The following RIIAD1 variants were observed in gnomAD, a reference collection of about 807,000 sequenced individuals.
RIIAD1 encodes RIIa domain-containing protein 1.
A neutral mutation model predicts 13.3 loss-of-function variants in RIIAD1; 15 were observed. The ratio of observed to expected loss-of-function variants is 1.13; its 90% CI spans 0.76 to 1.74. The LOEUF is 1.74. RIIAD1 is among the 40% of genes most tolerant of loss of function. The probability of loss-of-function intolerance (pLI) is 0.00; values close to 1 mark genes in which losing one functional copy is unlikely to be tolerated. For missense variants in RIIAD1, 121 were observed against 112.2 expected, an observed-to-expected ratio of 1.08 and a Z score of -0.35; for synonymous variants, 50 against 43.3, an observed-to-expected ratio of 1.16 and a Z score of -0.61.
chr1:151,719,197 A>G (rs1282624524), upstream of RIIAD1, among the ~76,000 whole-genome samples: 1 of 152,148 alleles, frequency 6.6e-6, no homozygotes, highest in Non-Finnish European at 1.5e-5. Flanking sequence ...TGTACCACTC[A>G]TCAGACTCTC....
chr1:151,716,917 G>T, upstream of RIIAD1: 1 of 384,102 alleles, frequency 2.6e-6, no homozygotes, highest in Admixed American at 2.9e-5. Flanking sequence ...CACAATCCAG[G>T]CACGAGCCAC....
chr1:151,724,764 C>T (rs891367415), intron 2 of RIIAD1, among the ~76,000 whole-genome samples: 1 of 151,932 alleles, frequency 6.6e-6, no homozygotes. Context: ...TTTTGTGCTG[C>T]AGATATGATA....
rs923712873 is a variant in RIIAD1, at chr1:151,727,585, T to C, written c.172T>C (p.Leu58=). The change falls in exon 3 of 5, where the codon TTG becomes CTG. Residue 58 remains leucine, a synonymous_variant. Coordinates refer to ENST00000479191, the MANE Select transcript of RIIAD1 (RefSeq NM_001144956.3). ...LISGFFREIF[L]KRPDNILEFA... ...CTTAATGTTTTCCAGAGAAATATTT[T>C]TGAAAAGACCAGACAACATCCTAGA... 2.6e-6 allele frequency: 4 copies of C among 1,549,790 alleles called. No individual in the cohort carries two copies.
upstream of RIIAD1, chr1:151,716,667 C>CA: frequency 9.5e-6 from 3 of 314,280 alleles, no homozygotes; most frequent in South Asian, 2.4e-5. Flanking sequence ...GTCCTCCCCT[C>CA]AGCCCCCCTC....
At chr1:151,724,682 C>T (rs750666982) in intron 2 of RIIAD1, among the ~76,000 whole-genome samples, 5 of 152,156 alleles carry the variant, frequency 3.3e-5, no homozygotes, top group Admixed American at 2.0e-4. Context: ...ACTCTTAACA[C>T]CTTGAGTTTT....
At chr1:151,715,908 A>T in intron 4 of RIIAD1, 1 of 1,614,016 alleles carries the variant, frequency 6.2e-7, no homozygotes, top group Non-Finnish European at 8.5e-7. Context: ...GTCCTTGATG[A>T]CAGTCAGCTC....
chr1:151,727,450 G>A (rs548803125), intron 2 of RIIAD1, 125 bp from the exon 3 acceptor site: 2 of 713,756 alleles, frequency 2.8e-6, no homozygotes, highest in East Asian at 2.7e-5. Flanking sequence ...GGAGTCTGCG[G>A]ATTTATTGAC....
upstream of RIIAD1, among the ~76,000 whole-genome samples, chr1:151,718,460 G>A (rs1673649469): frequency 6.6e-6 from 1 of 152,232 alleles, no homozygotes; most frequent in African/African-American, 2.4e-5. Flanking sequence ...AATGGGAGCA[G>A]TGGTGAAGTC....
At chr1:151,712,564 AC>A (rs1319424115) in intron 2 of RIIAD1, among the ~76,000 whole-genome samples, 1 of 151,578 alleles carries the variant, frequency 6.6e-6, no homozygotes, top group Non-Finnish European at 1.5e-5. Flanking sequence ...ACAGAGGGCA[AC>A]CCCCACTCCA....
chr1:151,719,623 G>C (rs945591586), upstream of RIIAD1: 1 of 702,748 alleles, frequency 1.4e-6, no homozygotes, highest in African/African-American at 1.7e-5. Context: ...CAGAATTTAT[G>C]AGAGTGCACA....
At chr1:151,719,332 A>G (rs1673694606), upstream of RIIAD1, among the ~76,000 whole-genome samples, 1 of 152,056 alleles carries the variant, frequency 6.6e-6, no homozygotes, top group South Asian at 2.1e-4. Flanking sequence ...TCTCTAGGAG[A>G]GAGAGAGGCT....
chr1:151,716,325 G>C lies in RIIAD1; in HGVS notation c.21+1796G>C, dbSNP rs76603828. ...CCAGGATGGGGGTGAGTATGGCCAA[G>C]ACCTGGAGGGTTAGGTGGTAGCCGG... On this transcript the variant is annotated intron_variant, in intron 4 of 8. Coordinates refer to the RIIAD1 transcript ENST00000326413. The C allele has an allele frequency of 7.7e-3, 2,852 of 371,566 alleles. 84 individuals are homozygous for C. Among genetic ancestry groups the C allele is most frequent in the African/African-American group, 0.054 (2,656 of 48,986 alleles). The allele number at this position is 371,566 out of a possible 1,614,324, so 23.0% of individuals were successfully genotyped here.
At chr1:151,727,236 G>A (rs1450423932) in intron 2 of RIIAD1, among the ~76,000 whole-genome samples, 1 of 152,114 alleles carries the variant, frequency 6.6e-6, no homozygotes, top group Non-Finnish European at 1.5e-5. Flanking sequence ...CTCCAGGCTG[G>A]GTGACAGAGC....
Position 151,721,531 on chromosome 1 carries a change from A to G in RIIAD1, c.-6A>G, listed in dbSNP as rs887509300. On this transcript the variant is annotated 5_prime_UTR_variant, in exon 1 of 5. Transcript: ENST00000479191. ...CGCGGCCGGTCGCCTTGACGACCGC[A>G]GCAAGATGGAGACGCTGCCAGGCTT... The G allele has an allele frequency of 2.3e-6, 3 of 1,319,770 alleles. No individual in the cohort carries two copies. Among genetic ancestry groups the G allele is most frequent in the East Asian group, 6.2e-5 (2 of 32,050 alleles). The allele number at this position is 1,319,770 out of a possible 1,614,324, so 81.8% of individuals were successfully genotyped here.
intron 4 of RIIAD1, among the ~76,000 whole-genome samples, chr1:151,729,275 G>A (rs1647263640): frequency 6.6e-6 from 1 of 152,160 alleles, no homozygotes; most frequent in Admixed American, 6.5e-5. Context: ...ATTGCTTCTG[G>A]AAGGGGTGTG....
chr1:151,718,010 C>A (rs76555250), upstream of RIIAD1, among the ~76,000 whole-genome samples: 2,360 of 152,116 alleles, frequency 0.016, 67 homozygotes, highest in African/African-American at 0.054. Flanking sequence ...TCTCCTGGGG[C>A]TCTGGGCTTT....
At chr1:151,717,767 A>G (rs558888725), upstream of RIIAD1, among the ~76,000 whole-genome samples, 16 of 152,320 alleles carry the variant, frequency 1.1e-4, no homozygotes, top group African/African-American at 3.8e-4. Context: ...AGTTGGACTC[A>G]AATTGAGCCA....
intron 2 of RIIAD1, among the ~76,000 whole-genome samples, chr1:151,723,673 C>G (rs1188017144): frequency 1.3e-5 from 2 of 152,200 alleles, no homozygotes; most frequent in African/African-American, 4.8e-5. Context: ...GCACTCCAGC[C>G]TGGGCGACAG....
Position 151,728,818 on chromosome 1 carries a change from A to C in RIIAD1, c.261A>C (p.Lys87Asn). ...LPNKIHMQLI[K>N]DKKAA The stretch of plus-strand genomic sequence containing the variant: ...ACAAGATTCACATGCAGCTAATTAA[A>C]GACAAGAAAGCGGCTTAATTAGCAA... Residue 87 changes from lysine to asparagine, a missense_variant, in exon 4 of 5, where the codon AAA becomes AAC. Transcript: ENST00000479191. 2 of 1,543,116 alleles carry C rather than the reference A, an allele frequency of 1.3e-6. No homozygotes were observed. Among genetic ancestry groups the C allele is most frequent in the South Asian group, 2.4e-5 (2 of 83,880 alleles).
Sources: allele counts gnomAD v4.1 joint callset (sites outside exome capture counted in the v4.1 genomes callset), GRCh38; gene constraint gnomAD v4.1.1; transcripts MANE v1.5; gene names NCBI Gene and HGNC (gene_info 2026-07-23, HGNC 2026-07-21).